ONECUT2: variants seen among roughly 807,000 people sequenced by gnomAD.
ONECUT2 encodes one cut domain family member 2.
ONECUT2 carries 10 observed loss-of-function variants against 27.9 expected under a neutral mutation model. The ratio of observed to expected loss-of-function variants is 0.36; its 90% CI spans 0.22 to 0.61. The LOEUF is 0.61. Ranked by LOEUF, ONECUT2 falls within the 20% of genes least tolerant of loss-of-function variation. The pLI is 0.73. For synonymous variants in ONECUT2, 334 were observed against 315.1 expected, an observed-to-expected ratio of 1.06 and a Z score of -0.64; for missense variants, 686 against 721.0, an observed-to-expected ratio of 0.95 and a Z score of 0.56.
rs952939710 is a variant in ONECUT2 at position 57,485,864 on chromosome 18, G to A, written c.*9141G>A. ...TGAAAGTTCCCTCCTGTCCAAACAAGCTCAAGGCCCATCTTCTCCCTATAC... is the reference window on the plus strand; with the variant it reads ...TGAAAGTTCCCTCCTGTCCAAACAAACTCAAGGCCCATCTTCTCCCTATAC... On this transcript the variant is annotated 3_prime_UTR_variant, in exon 2 of 2. Coordinates refer to ENST00000491143, the MANE Select transcript of ONECUT2 (RefSeq NM_004852.3). 1.3e-5 allele frequency: 2 copies of A among 152,224 alleles called. No homozygotes were observed. The highest frequency in any genetic ancestry group is 1.9e-4 in the East Asian group (1 of 5,206). 9.4% of individuals were successfully genotyped at this position (152,224 alleles called of 1,614,324 possible). A position where few individuals can be genotyped will look rare whatever the true frequency, so the allele number is the denominator to read the frequency against.
At position 57,479,889 on chromosome 18, in the gene ONECUT2, G is replaced by A. The variant is rs1313433855; in HGVS notation, c.*3166G>A. 6.6e-6 allele frequency: 1 copy of A among 152,226 alleles called. No individual in the cohort carries two copies. The highest frequency in any genetic ancestry group is 1.9e-4 in the East Asian group (1 of 5,202). The allele number at this position is 152,226 out of a possible 1,614,324, so 9.4% of individuals were successfully genotyped here. A position where few individuals can be genotyped will look rare whatever the true frequency, so the allele number is the denominator to read the frequency against. On this transcript the variant is annotated 3_prime_UTR_variant, in exon 2 of 2. Transcript: ENST00000491143. ...TCCACCAAAGGGACTTCTCACAGGG[G>A]AAGCCCAACTCCTGTTGCAATGGGT...
Position 57,436,740 on chromosome 18 carries a change from A to G in ONECUT2, c.1024A>G (p.Ile342Val). The change falls in exon 1 of 2, where the codon ATC becomes GTC. Residue 342 changes from isoleucine (I) to valine (V), a missense_variant. Ile to Val is a conservative substitution (Grantham distance 29). Around this residue, in one of 4 missense-constraint regions of ONECUT2, gnomAD observed 47 missense variants for 86.0 expected, o/e 0.55. Transcript: ENST00000491143. The surrounding 1 kb of genome is among the most constrained non-coding windows in gnomAD (Gnocchi z 5.9). ...CAACACCAAAGAGGTGGCCCAGCGC[A>G]TCACAGCGGAGCTGAAGCGCTACAG... The part of the protein sequence containing the change: ...EINTKEVAQR[I>V]TAELKRYSIP... The G allele has an allele frequency of 1.2e-6, 2 of 1,613,976 alleles. No homozygotes were observed. Among genetic ancestry groups the G allele is most frequent in the Non-Finnish European group, 1.7e-6 (2 of 1,180,036 alleles).
At chr18:57,443,264 T>G (rs1489399670) in intron 1 of ONECUT2, among the ~76,000 whole-genome samples, 3 of 152,124 alleles carry the variant, frequency 2.0e-5, no homozygotes, top group African/African-American at 4.8e-5. Context: ...AATAATTGCC[T>G]GTATAAAGGG....
At chr18:57,464,155 T>G (rs536201486) in intron 1 of ONECUT2, among the ~76,000 whole-genome samples, 1 of 152,310 alleles carries the variant, frequency 6.6e-6, no homozygotes, top group African/African-American at 2.4e-5. Context: ...CCTCTGTACC[T>G]TGGTATCATT....
At chr18:57,439,371 C>A (rs563100935) in intron 1 of ONECUT2, among the ~76,000 whole-genome samples, 5 of 152,242 alleles carry the variant, frequency 3.3e-5, no homozygotes, top group Non-Finnish European at 7.3e-5. Context: ...GTGGAAAAGG[C>A]CTGCTGAGGA....
At chr18:57,464,692 G>A (rs2050311072) in intron 1 of ONECUT2, among the ~76,000 whole-genome samples, 1 of 152,134 alleles carries the variant, frequency 6.6e-6, no homozygotes, top group Admixed American at 6.5e-5. Context: ...TGTGAATGGA[G>A]ACACCGACCC....
chr18:57,441,117 T>G (rs2050171888), intron 1 of ONECUT2, among the ~76,000 whole-genome samples: 1 of 152,228 alleles, frequency 6.6e-6, no homozygotes, highest in Non-Finnish European at 1.5e-5. Context: ...GCGCCCTCGA[T>G]GCGAGAGGCT....
intron 1 of ONECUT2, among the ~76,000 whole-genome samples, chr18:57,449,070 G>A (rs894926502): frequency 1.3e-5 from 2 of 152,214 alleles, no homozygotes; most frequent in African/African-American, 4.8e-5. Context: ...TGAAGAGGAA[G>A]AGGTGGACTT....
intron 1 of ONECUT2, among the ~76,000 whole-genome samples, chr18:57,447,515 T>A (rs1253121824): frequency 6.6e-6 from 1 of 152,222 alleles, no homozygotes; most frequent in African/African-American, 2.4e-5. Flanking sequence ...AGACAAAAGA[T>A]GCTGAAAGAC....
In ONECUT2 at chr18:57,436,698, G is replaced by C. The variant is rs776464020; in HGVS notation, c.982G>C (p.Gly328Arg). The C allele has an allele frequency of 3.7e-6, 6 of 1,613,582 alleles. No homozygotes were observed. Among genetic ancestry groups the C allele is most frequent in the Middle Eastern group, 3.3e-4 (2 of 6,062 alleles). ...ATCGGGCTCGCAGGTGGCCACGTCGGGCCAGCTGGAAGAAATCAACACCAA... is the reference window on the plus strand; with the variant it reads ...ATCGGGCTCGCAGGTGGCCACGTCGCGCCAGCTGGAAGAAATCAACACCAA... ...SSSGSQVATS[G>R]QLEEINTKEV... The change falls in exon 1 of 2, where the codon GGC becomes CGC. Residue 328 changes from glycine (G) to arginine (R), a missense_variant. Around this residue, in one of 4 missense-constraint regions of ONECUT2, gnomAD observed 511 missense variants for 488.1 expected, o/e 1.05. Coordinates refer to ENST00000491143, the MANE Select transcript of ONECUT2 (RefSeq NM_004852.3). This position sits in a 1 kb window ranked among gnomAD's most constrained non-coding sequence, Gnocchi z 5.9.
chr18:57,436,966 G>T lies in ONECUT2; in HGVS notation c.1228+22G>T, dbSNP rs757693038. On this transcript the variant is annotated intron_variant, in intron 1 of 1. Coordinates refer to ENST00000491143, the MANE Select transcript of ONECUT2 (RefSeq NM_004852.3). This position sits in a 1 kb window ranked among gnomAD's most constrained non-coding sequence, Gnocchi z 5.9. Reference sequence around the variant, plus strand: ...GCAGGTAAGGCCGGGGCTAGCCAGGGGCCAGGCTGCTGGGAAGAGGGCTCC... The same window carrying T: ...GCAGGTAAGGCCGGGGCTAGCCAGGTGCCAGGCTGCTGGGAAGAGGGCTCC... 1 of 1,555,398 alleles carries T rather than the reference G, an allele frequency of 6.4e-7. No homozygotes were observed. The highest frequency in any genetic ancestry group is 1.9e-5 in the Admixed American group (1 of 52,260).
Position 57,435,733 on chromosome 18 carries a change from C to G in ONECUT2, c.17C>G (p.Thr6Ser). 1 of 1,261,586 alleles carries G rather than the reference C, an allele frequency of 7.9e-7. No homozygotes were observed. Among genetic ancestry groups the G allele is most frequent in the Non-Finnish European group, 1.0e-6 (1 of 969,158 alleles). 78.1% of individuals were successfully genotyped at this position (1,261,586 alleles called of 1,614,324 possible). Residue 6 changes from threonine (T) to serine (S), a missense_variant, in exon 1 of 2, where the codon ACC becomes AGC. Thr to Ser is a moderately conservative substitution (Grantham distance 58). This residue lies in a region of ONECUT2 where 511 missense variants were observed against 488.1 expected (regional missense o/e 1.05). Transcript: ENST00000491143. ...ATGGACTGAATGAAGGCTGCCTACA[C>G]CGCCTATCGATGCCTCACCAAAGAC... MKAAY[T>S]AYRCLTKDLE...
intron 1 of ONECUT2, among the ~76,000 whole-genome samples, chr18:57,457,425 G>A (rs1054034219): frequency 1.3e-5 from 2 of 152,070 alleles, no homozygotes; most frequent in African/African-American, 4.8e-5. Flanking sequence ...CTTACCCCAG[G>A]TTCTAGAAGA....
At chr18:57,458,609 C>T (rs2122126014) in intron 1 of ONECUT2, among the ~76,000 whole-genome samples, 1 of 152,124 alleles carries the variant, frequency 6.6e-6, no homozygotes, top group South Asian at 2.1e-4. Context: ...ATTTATTTAG[C>T]CATTTCTGTT....
In ONECUT2 at chr18:57,435,519, G is replaced by T. The variant is rs1433454557; in HGVS notation, c.-198G>T. The stretch of plus-strand genomic sequence containing the variant: ...CCCCGTCCCCTCCCCTCTCCCGCAC[G>T]CACGCCCCGTCCGCCCCCACCCCGC... On this transcript the variant is annotated 5_prime_UTR_variant, in exon 1 of 2. Coordinates refer to ENST00000491143, the MANE Select transcript of ONECUT2 (RefSeq NM_004852.3). Among the ~76,000 whole-genome samples the T allele has an allele frequency of 5.7e-5, 3 of 53,048 alleles. No individual in the cohort carries two copies. The highest frequency in any genetic ancestry group is 1.3e-3 in the South Asian group (2 of 1,514). 34.8% of individuals were successfully genotyped at this position (53,048 alleles called of 152,430 possible). A position where few individuals can be genotyped will look rare whatever the true frequency, so the allele number is the denominator to read the frequency against.
intron 1 of ONECUT2, among the ~76,000 whole-genome samples, chr18:57,460,789 G>A (rs2050286761): frequency 6.8e-6 from 1 of 147,824 alleles, no homozygotes; most frequent in Non-Finnish European, 1.5e-5. Context: ...TCCCTAGCTC[G>A]GGTGATCCTC....
At chr18:57,464,456 G>GT (rs796485301) in intron 1 of ONECUT2, among the ~76,000 whole-genome samples, 1 of 150,288 alleles carries the variant, frequency 6.7e-6, no homozygotes, top group African/African-American at 2.5e-5. Context: ...TTTGTTTTTT[G>GT]TTTTTTTGTT....
In ONECUT2 at chr18:57,483,527, G is replaced by A. The variant is rs907740239; in HGVS notation, c.*6804G>A. On this transcript the variant is annotated 3_prime_UTR_variant, in exon 2 of 2. Transcript: ENST00000491143. ...CTAGTACATAAATGTATAGGATTTG[G>A]GTAATTATTTAATCATCCTTCCTTA... The A allele has an allele frequency of 6.6e-6, 1 of 152,326 alleles. No individual in the cohort carries two copies. Among genetic ancestry groups the A allele is most frequent in the Non-Finnish European group, 1.5e-5 (1 of 67,978 alleles). 9.4% of individuals were successfully genotyped at this position (152,326 alleles called of 1,614,324 possible).
chr18:57,452,690 G>T (rs953998588), intron 1 of ONECUT2, among the ~76,000 whole-genome samples: 1 of 152,218 alleles, frequency 6.6e-6, no homozygotes, highest in African/African-American at 2.4e-5. Flanking sequence ...CTCCCAAAGT[G>T]CTGGGATTAC....
Sources: gnomAD v4.1 joint callset for allele counts (sites outside exome capture counted in the v4.1 genomes callset) on GRCh38, gnomAD v4.1.1 for gene constraint, gnomAD v4.1.1 regional missense constraint, Gnocchi (gnomAD v3.1) non-coding constraint, MANE v1.5 for transcripts, NCBI Gene and HGNC (gene_info 2026-07-23, HGNC 2026-07-21) for gene names.